The following TNFSF8 variants were observed in gnomAD, a reference collection of about 807,000 sequenced individuals.
TNFSF8 encodes TNF superfamily member 8.
TNFSF8 carries 4 observed loss-of-function variants against 22.0 expected under a neutral mutation model. The ratio of observed to expected loss-of-function variants is 0.18; its 90% CI spans 0.09 to 0.42. The LOEUF is 0.42. Ranked by LOEUF, TNFSF8 falls within the 10% of genes least tolerant of loss-of-function variation. The pLI is 1.00. For synonymous variants in TNFSF8, 106 were observed against 112.5 expected (o/e 0.94, Z 0.37); for missense variants, 233 against 281.8 (o/e 0.83, Z 1.24).
At chr9:114,925,505 G>A (rs1828046492) in intron 1 of TNFSF8, among the ~76,000 whole-genome samples, 1 of 151,892 alleles carries the variant, frequency 6.6e-6, no homozygotes, top group Non-Finnish European at 1.5e-5. Flanking sequence ...TGCCATATGT[G>A]GTTATTCTAA....
intron 1 of TNFSF8, among the ~76,000 whole-genome samples, chr9:114,923,522 C>CTTTCTTTCTTTCTTTCTTT (rs758823996): frequency 1.2e-4 from 11 of 89,736 alleles, no homozygotes; most frequent in African/African-American, 3.3e-4. Flanking sequence ...TTCTTTCTTT[C>CTTTCTTTCTTTCTTTCTTT]TTTTTTTTTT....
In TNFSF8 at chr9:114,903,308, G is replaced by C. The variant is rs1437162995; in HGVS notation, c.*623C>G. The C allele has an allele frequency of 6.6e-6, 1 of 152,224 alleles. No individual in the cohort carries two copies. The highest frequency in any genetic ancestry group is 1.5e-5 in the Non-Finnish European group (1 of 68,092). The allele number at this position is 152,224 out of a possible 1,614,324, so 9.4% of individuals were successfully genotyped here. On this transcript the variant is annotated 3_prime_UTR_variant, in exon 4 of 4. Transcript: ENST00000223795. The stretch of plus-strand genomic sequence containing the variant: ...GCTGTCCCAGCCTGGTTTTCCCTGG[G>C]GGTTCCTAGGGGTGGGGTCATATGG...
intron 2 of TNFSF8, among the ~76,000 whole-genome samples, chr9:114,911,388 A>G (rs1041993250): frequency 1.3e-5 from 2 of 152,212 alleles, no homozygotes; most frequent in African/African-American, 4.8e-5. Context: ...GAGTCCCAAC[A>G]GTGACATCTA....
At chr9:114,917,779 C>T (rs923247932) in intron 2 of TNFSF8, among the ~76,000 whole-genome samples, 5 of 152,198 alleles carry the variant, frequency 3.3e-5, no homozygotes, top group African/African-American at 1.2e-4. Flanking sequence ...AGCCAAGATT[C>T]ATTCCCCCAT....
chr9:114,926,959 C>T (rs1019417987), intron 1 of TNFSF8, among the ~76,000 whole-genome samples: 3 of 141,872 alleles, frequency 2.1e-5, no homozygotes, highest in African/African-American at 5.1e-5. Flanking sequence ...TATTAAATAA[C>T]ATAAAATATT....
downstream of TNFSF8, among the ~76,000 whole-genome samples, chr9:114,898,049 C>T (rs1564365763): frequency 6.6e-6 from 1 of 150,392 alleles, no homozygotes; most frequent in Non-Finnish European, 1.5e-5. Flanking sequence ...GTTGCCCAGG[C>T]TGGAGTGCAG....
chr9:114,894,335 G>T (rs1464290126), intron 4 of TNFSF8, among the ~76,000 whole-genome samples: 3 of 132,526 alleles, frequency 2.3e-5, no homozygotes, highest in Non-Finnish European at 4.7e-5. Flanking sequence ...CAAGGTCCAG[G>T]TTGCATGTCT....
At chr9:114,919,161 A>G (rs970626747) in intron 1 of TNFSF8, among the ~76,000 whole-genome samples, 3 of 152,166 alleles carry the variant, frequency 2.0e-5, no homozygotes, top group Non-Finnish European at 1.5e-5. Context: ...GACACCATAC[A>G]TAATTAAATT....
At chr9:114,928,330 C>T (rs956280235) in intron 1 of TNFSF8, among the ~76,000 whole-genome samples, 1 of 152,174 alleles carries the variant, frequency 6.6e-6, no homozygotes, top group Admixed American at 6.5e-5. Context: ...TTGGCTCTAC[C>T]ACTTTCTCAG....
intron 1 of TNFSF8, among the ~76,000 whole-genome samples, chr9:114,921,971 G>T (rs1019470924): frequency 6.6e-6 from 1 of 152,162 alleles, no homozygotes; most frequent in African/African-American, 2.4e-5. Flanking sequence ...TAACCTGTTT[G>T]TCTCCAGGTA....
Position 114,901,818 on chromosome 9 carries a change from G to A in TNFSF8, c.*2113C>T. 1 of 968,262 alleles carries A rather than the reference G, an allele frequency of 1.0e-6. No individual in the cohort carries two copies. The allele number at this position is 968,262 out of a possible 1,614,324, so 60.0% of individuals were successfully genotyped here. A position where few individuals can be genotyped will look rare whatever the true frequency, so the allele number is the denominator to read the frequency against. On this transcript the variant is annotated 3_prime_UTR_variant, in exon 4 of 4. Transcript: ENST00000223795. Reference sequence around the variant, plus strand: ...ATATTTCATAGAGGAGACCTAGGAGGAGGTTGACACAGCACACTGCTCAGC... The same window carrying A: ...ATATTTCATAGAGGAGACCTAGGAGAAGGTTGACACAGCACACTGCTCAGC...
chr9:114,908,579 T>C (rs996127687), intron 2 of TNFSF8, among the ~76,000 whole-genome samples: 1 of 152,180 alleles, frequency 6.6e-6, no homozygotes, highest in African/African-American at 2.4e-5. Context: ...TCACACGTTC[T>C]GGTTCTTTTG....
chr9:114,903,620 A>C lies in TNFSF8; in HGVS notation c.*311T>G. 1.1e-6 allele frequency: 1 copy of C among 896,130 alleles called. No individual in the cohort carries two copies. The highest frequency in any genetic ancestry group is 1.4e-6 in the Non-Finnish European group (1 of 734,526). 55.5% of individuals were successfully genotyped at this position (896,130 alleles called of 1,614,324 possible). A position where few individuals can be genotyped will look rare whatever the true frequency, so the allele number is the denominator to read the frequency against. On this transcript the variant is annotated 3_prime_UTR_variant, in exon 4 of 4. Coordinates refer to ENST00000223795, the MANE Select transcript of TNFSF8 (RefSeq NM_001244.4). ...TTTAACTGGAGGCTCTCAAAACAGA[A>C]GAAATAGATCAAGACCATACAGTGA...
At position 114,902,100 on chromosome 9, in the gene TNFSF8, C is replaced by A. The variant is rs77691228; in HGVS notation, c.*1831G>T. ...ATCAGGGCCTACATTCCATCTCAAA[C>A]GGCTTGTCAAGGTCCTTCCACAAAT... On this transcript the variant is annotated 3_prime_UTR_variant, in exon 4 of 4. Coordinates refer to ENST00000223795, the MANE Select transcript of TNFSF8 (RefSeq NM_001244.4). 1 of 985,232 alleles carries A rather than the reference C, an allele frequency of 1.0e-6. No homozygotes were observed. The highest frequency in any genetic ancestry group is 1.7e-5 in the African/African-American group (1 of 57,200). 61.0% of individuals were successfully genotyped at this position (985,232 alleles called of 1,614,324 possible).
At position 114,902,537 on chromosome 9, in the gene TNFSF8, A is replaced by G. The variant is rs1827730264; in HGVS notation, c.*1394T>C. On this transcript the variant is annotated 3_prime_UTR_variant, in exon 4 of 4. Coordinates refer to ENST00000223795, the MANE Select transcript of TNFSF8 (RefSeq NM_001244.4). ...ATGGTCTCTTAGATTCTGGATGGTC[A>G]GTGTGGTAGTTCTTTCCATTACATC... The G allele has an allele frequency of 1.8e-5, 18 of 985,342 alleles. No homozygotes were observed. The highest frequency in any genetic ancestry group is 2.0e-5 in the Non-Finnish European group (17 of 829,940). The allele number at this position is 985,342 out of a possible 1,614,324, so 61.0% of individuals were successfully genotyped here.
At chr9:114,897,754 C>T (rs377132422), downstream of TNFSF8, among the ~76,000 whole-genome samples, 39 of 152,032 alleles carry the variant, frequency 2.6e-4, no homozygotes, top group East Asian at 2.5e-3. Flanking sequence ...GTGATTTGAT[C>T]ATAGAGCACA....
downstream of TNFSF8, among the ~76,000 whole-genome samples, chr9:114,896,532 G>C (rs1003062342): frequency 6.6e-6 from 1 of 152,200 alleles, no homozygotes; most frequent in African/African-American, 2.4e-5. Context: ...ACTGTTTAAA[G>C]TAAGGGATAT....
At chr9:114,927,268 T>TC (rs1411917414) in intron 1 of TNFSF8, among the ~76,000 whole-genome samples, 8 of 151,856 alleles carry the variant, frequency 5.3e-5, no homozygotes, top group African/African-American at 1.5e-4. Flanking sequence ...GTTGTTTTTT[T>TC]TCAAGGCTTT....
chr9:114,902,334 T>C lies in TNFSF8; in HGVS notation c.*1597A>G, dbSNP rs1384870741. 1.0e-6 allele frequency: 1 copy of C among 985,278 alleles called. No individual in the cohort carries two copies. Among genetic ancestry groups the C allele is most frequent in the African/African-American group, 1.7e-5 (1 of 57,212 alleles). 61.0% of individuals were successfully genotyped at this position (985,278 alleles called of 1,614,324 possible). A position where few individuals can be genotyped will look rare whatever the true frequency, so the allele number is the denominator to read the frequency against. On this transcript the variant is annotated 3_prime_UTR_variant, in exon 4 of 4. Coordinates refer to ENST00000223795, the MANE Select transcript of TNFSF8 (RefSeq NM_001244.4). ...AGAGGTGTTTGAAGCAGGAATATAT[T>C]ATGCAGGGGATGGAGCAGCCATTCC...
Sources: gnomAD v4.1 joint callset for allele counts (sites outside exome capture counted in the v4.1 genomes callset) on GRCh38, gnomAD v4.1.1 for gene constraint, MANE v1.5 for transcripts, NCBI Gene and HGNC (gene_info 2026-07-23, HGNC 2026-07-21) for gene names.